Variants in CELF5 observed in about 807,000 individuals in gnomAD.
CELF5 encodes CUG-BP and ETR-3 like factor 5.
A neutral mutation model predicts 54.9 loss-of-function variants in CELF5; 6 were observed. The ratio of observed to expected loss-of-function variants is 0.11; its 90% CI spans 0.06 to 0.22. CELF5 has a LOEUF of 0.22. Among genes scored for constraint, CELF5 ranks in the 10% least tolerant of loss-of-function variants. CELF5 has a pLI of 1.00. For synonymous variants in CELF5, 271 were observed against 290.9 expected (o/e 0.93, Z 0.70); for missense variants, 401 against 678.6 (o/e 0.59, Z 4.54).
intron 5 of CELF5, among the ~76,000 whole-genome samples, chr19:3,279,526 C>T (rs1393802978): frequency 6.6e-6 from 1 of 152,076 alleles, no homozygotes; most frequent in Non-Finnish European, 1.5e-5. Flanking sequence ...GGAGTGAGTT[C>T]TCTATCGGAG....
intron 1 of CELF5, among the ~76,000 whole-genome samples, chr19:3,245,371 C>T (rs557138593): frequency 1.1e-4 from 12 of 104,862 alleles, no homozygotes; most frequent in East Asian, 8.8e-4. Flanking sequence ...TGTGTGTGTG[C>T]GTGTGTGTGT....
chr19:3,247,741 A>C (rs566874046), intron 1 of CELF5, among the ~76,000 whole-genome samples: 1 of 152,016 alleles, frequency 6.6e-6, no homozygotes, highest in Non-Finnish European at 1.5e-5. Flanking sequence ...TGATATATGC[A>C]TAATATGAAA....
rs114609696 is a variant in CELF5, at chr19:3,255,566, G to T, written c.342+4499G>T. 5.0e-3 allele frequency among the ~76,000 whole-genome samples: 763 copies of T among 151,944 alleles called. 10 individuals carry two copies. Among genetic ancestry groups the T allele is most frequent in the African/African-American group, 0.017 (702 of 41,454 alleles). On this transcript the variant is annotated intron_variant, in intron 2 of 12. Coordinates refer to ENST00000292672, the MANE Select transcript of CELF5 (RefSeq NM_021938.4). ...TTCTCCTCCCTCCTCCTCGCCCCCA[G>T]AGCTCATGGCCCCCACATCCTGCCC... is the stretch of plus-strand genomic sequence containing the variant.
intron 2 of CELF5, among the ~76,000 whole-genome samples, chr19:3,255,919 G>A (rs976508688): frequency 6.6e-6 from 1 of 152,000 alleles, no homozygotes; most frequent in Non-Finnish European, 1.5e-5. Flanking sequence ...ACAAAAATTA[G>A]CTGGGCGTGG....
intron 2 of CELF5, among the ~76,000 whole-genome samples, chr19:3,264,160 G>C (rs543526042): frequency 1.9e-4 from 29 of 152,062 alleles, no homozygotes; most frequent in African/African-American, 7.0e-4. Context: ...TGGAATTCCA[G>C]CTACTCAGTA....
intron 8 of CELF5, among the ~76,000 whole-genome samples, chr19:3,284,063 T>C (rs2080194160): frequency 6.6e-6 from 1 of 151,518 alleles, no homozygotes; most frequent in Non-Finnish European, 1.5e-5. Flanking sequence ...CCCAAGCTGG[T>C]CTCGAAACTC....
chr19:3,257,934 G>T (rs1258426461), intron 2 of CELF5, among the ~76,000 whole-genome samples: 2 of 151,696 alleles, frequency 1.3e-5, no homozygotes, highest in East Asian at 3.9e-4. Flanking sequence ...CAGGTAGCTA[G>T]GACCACAGGT....
In CELF5 at chr19:3,284,872, G is replaced by A. The variant is rs754305107; in HGVS notation, c.1040-30G>A. ...TGGATGGAAGACTTCTGCTGCTCCCGCCCCACTCAGCCCCTCTGTCTGCCC... is the reference window on the plus strand; with the variant it reads ...TGGATGGAAGACTTCTGCTGCTCCCACCCCACTCAGCCCCTCTGTCTGCCC... On this transcript the variant is annotated intron_variant, in intron 8 of 12. Coordinates refer to ENST00000292672, the MANE Select transcript of CELF5 (RefSeq NM_021938.4). 9 of 1,606,076 alleles carry A rather than the reference G, an allele frequency of 5.6e-6. No homozygotes were observed. The East Asian group carries it at 6.7e-5, about 12-fold the overall frequency.
Position 3,282,045 on chromosome 19 carries a change from A to T in CELF5, c.751-81A>T, listed in dbSNP as rs1398473889. The T allele has an allele frequency of 3.9e-6, 6 of 1,523,456 alleles. No homozygotes were observed. The highest frequency in any genetic ancestry group is 5.4e-6 in the Non-Finnish European group (6 of 1,105,184). The allele number at this position is 1,523,456 out of a possible 1,614,324, so 94.4% of individuals were successfully genotyped here. ...TACCCAGCCTGACCTCCTCACTAGT[A>T]ACTGGGGTACCAAGCCTCCCCTCAT... On this transcript the variant is annotated intron_variant, in intron 6 of 12. Transcript: ENST00000292672. This position sits in a 1 kb window ranked among gnomAD's most constrained non-coding sequence, Gnocchi z 5.2.
At chr19:3,255,926 G>T (rs571196953) in intron 2 of CELF5, among the ~76,000 whole-genome samples, 3 of 152,120 alleles carry the variant, frequency 2.0e-5, no homozygotes, top group African/African-American at 7.2e-5. Context: ...TTAGCTGGGC[G>T]TGGTGGCAGG....
chr19:3,290,857 C>T (rs1157260580), intron 11 of CELF5, among the ~76,000 whole-genome samples: 1 of 151,576 alleles, frequency 6.6e-6, no homozygotes, highest in African/African-American at 2.4e-5. Context: ...TGATCCACTG[C>T]GCCTGGCCAA....
chr19:3,245,647 G>T (rs147450082), intron 1 of CELF5, among the ~76,000 whole-genome samples: 1 of 151,636 alleles, frequency 6.6e-6, no homozygotes, highest in Non-Finnish European at 1.5e-5. Flanking sequence ...ATTTCTTGCC[G>T]ATCAAACCTG....
intron 2 of CELF5, among the ~76,000 whole-genome samples, chr19:3,254,532 C>T (rs1348987410): frequency 1.3e-5 from 2 of 151,112 alleles, no homozygotes; most frequent in South Asian, 2.1e-4. Context: ...CATTCACACA[C>T]TGATCCATGT....
chr19:3,225,098 T>G, intron 1 of CELF5, 100 bp downstream of exon 1: 1 of 680,112 alleles, frequency 1.5e-6, no homozygotes, highest in Non-Finnish European at 2.3e-6. Context: ...TCTGCTCACC[T>G]CCCTCCTCTG....
Position 3,281,055 on chromosome 19 carries a change from G to A in CELF5, c.604-144G>A. On this transcript the variant is annotated intron_variant, in intron 5 of 12. Transcript: ENST00000292672. The surrounding 1 kb of genome is among the most constrained non-coding windows in gnomAD (Gnocchi z 6.5). ...GGTCCTCGCTGTGGCCCTGGCTCCT[G>A]GGGTGGGGGCCCGTGGACATGGCTG... 1.0e-6 allele frequency: 1 copy of A among 972,452 alleles called. No homozygotes were observed. The highest frequency in any genetic ancestry group is 1.5e-6 in the Non-Finnish European group (1 of 646,540). 60.2% of individuals were successfully genotyped at this position (972,452 alleles called of 1,614,324 possible).
At chr19:3,264,477 G>A (rs1353349665) in intron 2 of CELF5, among the ~76,000 whole-genome samples, 5 of 150,870 alleles carry the variant, frequency 3.3e-5, no homozygotes, top group East Asian at 1.9e-4. Context: ...GTGCAGTAGC[G>A]CAATCTCGGC....
chr19:3,258,059 C>T (rs1346587410), intron 2 of CELF5, among the ~76,000 whole-genome samples: 1 of 151,586 alleles, frequency 6.6e-6, no homozygotes, highest in Non-Finnish European at 1.5e-5. Flanking sequence ...CTCCCGGGTT[C>T]AAGCAATTCT....
In CELF5 at chr19:3,268,019, G is replaced by T. The variant is rs1390695390; in HGVS notation, c.343-5853G>T. Among the ~76,000 whole-genome samples the T allele has an allele frequency of 6.6e-6, 1 of 152,132 alleles. No homozygotes were observed. Among genetic ancestry groups the T allele is most frequent in the Non-Finnish European group, 1.5e-5 (1 of 68,034 alleles). On this transcript the variant is annotated intron_variant, in intron 2 of 12. Coordinates refer to ENST00000292672, the MANE Select transcript of CELF5 (RefSeq NM_021938.4). The surrounding 1 kb of genome is among the most constrained non-coding windows in gnomAD (Gnocchi z 4.4). ...GTTTTGTTTTGTTTTGCTTTTTTGA[G>T]ATGGAGTCTCGCTCTGTCGCCCAGG...
chr19:3,291,571 C>CAAAA (rs34331089), intron 11 of CELF5, among the ~76,000 whole-genome samples: 8,414 of 84,954 alleles, frequency 0.099, 558 homozygotes, highest in South Asian at 0.15. Context: ...GACTCCGACT[C>CAAAA]AAAAAAAAAA....
Sources: gnomAD v4.1 joint callset for allele counts (sites outside exome capture counted in the v4.1 genomes callset) on GRCh38, gnomAD v4.1.1 for gene constraint, Gnocchi (gnomAD v3.1) non-coding constraint, MANE v1.5 for transcripts, NCBI Gene and HGNC (gene_info 2026-07-23, HGNC 2026-07-21) for gene names.